The following RAP1GAP2 variants were observed in gnomAD, a reference collection of about 807,000 sequenced individuals.
RAP1GAP2 encodes the protein rap1 GTPase-activating protein 2.
RAP1GAP2 carries 27 observed loss-of-function variants against 95.0 expected under a neutral mutation model. The observed-to-expected ratio is 0.28, with a 90% CI of 0.21 to 0.39. RAP1GAP2 has a LOEUF of 0.39. Among genes scored for constraint, RAP1GAP2 ranks in the 10% least tolerant of loss-of-function variants. The probability of loss-of-function intolerance (pLI) is 1.00; values close to 1 mark genes in which losing one functional copy is unlikely to be tolerated. For synonymous variants in RAP1GAP2, 373 were observed against 380.9 expected (o/e 0.98, Z 0.24); for missense variants, 771 against 970.0 (o/e 0.79, Z 2.72).
intron 2 of RAP1GAP2, among the ~76,000 whole-genome samples, chr17:2,894,614 AAG>A (rs1270517392): frequency 6.6e-6 from 1 of 151,990 alleles, no homozygotes; most frequent in East Asian, 1.9e-4. Context: ...TGCGTCCAGA[AAG>A]AGAGCCTTAT....
In RAP1GAP2 at chr17:2,889,077, CT is replaced by C. The variant is rs1309958146; in HGVS notation, c.81-16204del. ...GATGGCTCTTCAACAGGCTGACTGC[CT>C]TTCCCTCAGATATGTACCCTGCAGT... On this transcript the variant is annotated intron_variant, in intron 2 of 24. Coordinates refer to ENST00000254695, the MANE Select transcript of RAP1GAP2 (RefSeq NM_015085.5). Among the ~76,000 whole-genome samples, 4 of 152,272 alleles carry C rather than the reference CT, an allele frequency of 2.6e-5. No homozygotes were observed. In the South Asian group the frequency reaches 6.2e-4, roughly 24 times the overall value.
rs534430711 is a variant in RAP1GAP2, at chr17:2,988,983, T to C, written c.814-2314T>C. Among the ~76,000 whole-genome samples, 406 of 151,936 alleles carry C rather than the reference T, an allele frequency of 2.7e-3. 2 individuals carry two copies. The highest frequency in any genetic ancestry group is 9.4e-3 in the African/African-American group (389 of 41,364). On this transcript the variant is annotated intron_variant, in intron 11 of 24. Coordinates refer to ENST00000254695, the MANE Select transcript of RAP1GAP2 (RefSeq NM_015085.5). ...CTGAGGCAGGAGAATCGCTTGAACC[T>C]GGGAGGCAGAGGTTGCCGTGAGCCG...
intron 3 of RAP1GAP2, among the ~76,000 whole-genome samples, chr17:2,933,708 C>T (rs550816955): frequency 3.3e-5 from 5 of 152,220 alleles, no homozygotes; most frequent in African/African-American, 7.2e-5. Context: ...GACCCTGTTA[C>T]GGACCTGGCA....
intron 1 of RAP1GAP2, among the ~76,000 whole-genome samples, chr17:2,760,325 A>AGAAAAATG (rs2071220487): frequency 6.6e-6 from 1 of 150,946 alleles, no homozygotes; most frequent in Admixed American, 6.6e-5. Context: ...AAAAGAAAAA[A>AGAAAAATG]GAAAAATGGT....
intron 2 of RAP1GAP2, among the ~76,000 whole-genome samples, chr17:2,830,811 T>C (rs906849155): frequency 6.6e-6 from 1 of 151,970 alleles, no homozygotes; most frequent in Non-Finnish European, 1.5e-5. Flanking sequence ...TAAAAATATA[T>C]GTGGTAGAAA....
chr17:2,863,409 A>C (rs947804320), intron 2 of RAP1GAP2, among the ~76,000 whole-genome samples: 1 of 152,154 alleles, frequency 6.6e-6, no homozygotes, highest in Non-Finnish European at 1.5e-5. Context: ...AGGGCTGGGC[A>C]GCCTGGCTGG....
chr17:2,821,374 T>G (rs1333605699), intron 2 of RAP1GAP2, among the ~76,000 whole-genome samples: 1 of 57,802 alleles, frequency 1.7e-5, no homozygotes, highest in Admixed American at 2.3e-4. Context: ...TCTTTACACC[T>G]TTTTTTTTTT....
chr17:2,936,213 C>T (rs2043306306), intron 3 of RAP1GAP2, among the ~76,000 whole-genome samples: 2 of 147,842 alleles, frequency 1.4e-5, no homozygotes, highest in African/African-American at 2.5e-5. Context: ...CCCATTAACT[C>T]GTCATTTAGC....
chr17:2,803,521 T>C (rs1239618316), intron 2 of RAP1GAP2, among the ~76,000 whole-genome samples: 3 of 152,210 alleles, frequency 2.0e-5, no homozygotes, highest in Non-Finnish European at 2.9e-5. Flanking sequence ...GAGATTCACA[T>C]AGAAGTTCAA....
chr17:2,905,181 C>T (rs2042160117), intron 2 of RAP1GAP2, 103 bp from the exon 3 acceptor site: 3 of 1,087,696 alleles, frequency 2.8e-6, no homozygotes, highest in East Asian at 2.7e-5. Flanking sequence ...CCCAACCCAG[C>T]CTGCATTGTA....
chr17:2,802,776 C>T (rs1239303715), intron 2 of RAP1GAP2, among the ~76,000 whole-genome samples: 2 of 152,098 alleles, frequency 1.3e-5, no homozygotes, highest in Non-Finnish European at 2.9e-5. Context: ...AGGAGGTGGC[C>T]TCTAAAGTAG....
chr17:2,757,187 C>T (rs566353893), intron 1 of RAP1GAP2, among the ~76,000 whole-genome samples: 5 of 152,244 alleles, frequency 3.3e-5, no homozygotes, highest in African/African-American at 9.6e-5. Flanking sequence ...GGTGCAATCT[C>T]GGCTCACTGC....
At chr17:2,932,791 C>G (rs903263950) in intron 3 of RAP1GAP2, among the ~76,000 whole-genome samples, 3 of 121,038 alleles carry the variant, frequency 2.5e-5, no homozygotes, top group African/African-American at 9.6e-5. Context: ...GCACTCCAGC[C>G]TGGCAGCAGA....
At position 3,037,069 on chromosome 17, in the gene RAP1GAP2, G is replaced by C. The variant is rs1184969073; in HGVS notation, c.*3708G>C. ...AAAGTTTGCCAAGCCTGATCCTGCA[G>C]CCTGGTGGGGCTGGCTGGGGTATTC... is the stretch of plus-strand genomic sequence containing the variant. On this transcript the variant is annotated 3_prime_UTR_variant, in exon 25 of 25. Coordinates refer to ENST00000254695, the MANE Select transcript of RAP1GAP2 (RefSeq NM_015085.5). 3 of 152,600 alleles carry C rather than the reference G, an allele frequency of 2.0e-5. No individual in the cohort carries two copies. The highest frequency in any genetic ancestry group is 1.3e-4 in the Admixed American group (2 of 15,278). 9.5% of individuals were successfully genotyped at this position (152,600 alleles called of 1,614,324 possible). A position where few individuals can be genotyped will look rare whatever the true frequency, so the allele number is the denominator to read the frequency against.
At chr17:2,969,793 C>CG (rs1185515297) in intron 8 of RAP1GAP2, among the ~76,000 whole-genome samples, 1 of 151,796 alleles carries the variant, frequency 6.6e-6, no homozygotes, top group Non-Finnish European at 1.5e-5. Context: ...CGTGAGTCAC[C>CG]GCGTCTGGCC....
intron 12 of RAP1GAP2, among the ~76,000 whole-genome samples, chr17:2,991,735 TG>T (rs1294472715): frequency 6.6e-6 from 1 of 152,164 alleles, no homozygotes; most frequent in Non-Finnish European, 1.5e-5. Flanking sequence ...CGTGCAGTTT[TG>T]GGGGGAAATG....
chr17:2,993,219 CAAA>C (rs201866665), intron 12 of RAP1GAP2, among the ~76,000 whole-genome samples: 14 of 105,542 alleles, frequency 1.3e-4, no homozygotes, highest in Non-Finnish European at 1.6e-4. Flanking sequence ...GAGACTCTGT[CAAA>C]AAAAAAAAAA....
rs533361590 is a variant in RAP1GAP2 at position 2,910,930 on chromosome 17, C to G, written c.165+5562C>G. Among the ~76,000 whole-genome samples the G allele has an allele frequency of 1.8e-4, 28 of 152,310 alleles. No individual in the cohort carries two copies. In the East Asian group the frequency reaches 5.2e-3, roughly 28 times the overall value. On this transcript the variant is annotated intron_variant, in intron 3 of 24. Transcript: ENST00000254695. ...GCCAGGCTGGTCTCGAGCTCCTGAC[C>G]TCAAGTGATCCGCCAGCCTTGGCCT... is the stretch of plus-strand genomic sequence containing the variant.
rs949532051 is a variant in RAP1GAP2 at position 3,004,462 on chromosome 17, C to T, written c.1201-907C>T. 6.6e-6 allele frequency among the ~76,000 whole-genome samples: 1 copy of T among 152,226 alleles called. No individual in the cohort carries two copies. The highest frequency in any genetic ancestry group is 1.5e-5 in the Non-Finnish European group (1 of 68,038). On this transcript the variant is annotated intron_variant, in intron 14 of 24. Coordinates refer to ENST00000254695, the MANE Select transcript of RAP1GAP2 (RefSeq NM_015085.5). The surrounding 1 kb of genome is among the most constrained non-coding windows in gnomAD (Gnocchi z 4.1). ...CACGCCAGGGCTGGGCTCACGTCAGCGGCTGTGTAGGGAAGGGAGGGCAGT... is the reference window on the plus strand; with the variant it reads ...CACGCCAGGGCTGGGCTCACGTCAGTGGCTGTGTAGGGAAGGGAGGGCAGT...
Sources: gnomAD v4.1 joint callset for allele counts (sites outside exome capture counted in the v4.1 genomes callset) on GRCh38, gnomAD v4.1.1 for gene constraint, Gnocchi (gnomAD v3.1) non-coding constraint, MANE v1.5 for transcripts, NCBI Gene and HGNC (gene_info 2026-07-23, HGNC 2026-07-21) for gene names.